IL33: variants seen among roughly 807,000 people sequenced by gnomAD.
IL33 encodes interleukin 33.
IL33 carries 37 observed loss-of-function variants against 27.3 expected under a neutral mutation model. The observed-to-expected ratio is 1.36, with a 90% CI of 1.04 to 1.78. IL33 has a LOEUF of 1.78. IL33 is among the 40% of genes most tolerant of loss of function. The pLI, the probability that IL33 is intolerant of heterozygous loss-of-function variation, is 0.00. For synonymous variants in IL33, 132 were observed against 102.9 expected (o/e 1.28, Z -1.71); for missense variants, 406 against 311.4 (o/e 1.30, Z -2.29).
intron 3 of IL33, 141 bp from the exon 4 acceptor site, chr9:6,250,999 C>T: frequency 9.6e-7 from 1 of 1,041,790 alleles, no homozygotes; most frequent in East Asian, 2.5e-5. Context: ...CAAGAGGTAT[C>T]AATCCCTTTG....
rs530319334 is a variant in IL33 at position 6,227,668 on chromosome 9, T to C, written c.-12+11816T>C. 1.7e-3 allele frequency among the ~76,000 whole-genome samples: 255 copies of C among 152,306 alleles called. 1 individual carries two copies. Among genetic ancestry groups the C allele is most frequent in the Middle Eastern group, 3.4e-3 (1 of 294 alleles). On this transcript the variant is annotated intron_variant, in intron 1 of 7. Coordinates refer to ENST00000682010, the MANE Select transcript of IL33 (RefSeq NM_033439.4). ...TCCAACCATTAAGTGTAATGCTTTC[T>C]CCTTATAATGCTACTAAATCTTCTC... is the stretch of plus-strand genomic sequence containing the variant.
rs967242946 is a variant in IL33 at position 6,238,989 on chromosome 9, G to C, written c.-11-2695G>C. ...GGTATCACATCGATTGATGTCCCTT[G>C]CTTGAATCAAGTATTAAATTGGGGG... On this transcript the variant is annotated intron_variant, in intron 1 of 7. Coordinates refer to ENST00000682010, the MANE Select transcript of IL33 (RefSeq NM_033439.4). Among the ~76,000 whole-genome samples the C allele has an allele frequency of 2.0e-5, 3 of 152,138 alleles. No individual in the cohort carries two copies. In the East Asian group the frequency reaches 5.8e-4, roughly 29 times the overall value.
chr9:6,227,783 T>C (rs542501042), intron 1 of IL33, among the ~76,000 whole-genome samples: 101 of 152,312 alleles, frequency 6.6e-4, no homozygotes, highest in African/African-American at 2.4e-3. Flanking sequence ...ATGGGCCTAA[T>C]GACATATTTT....
intron 3 of IL33, 23 bp downstream of exon 3, chr9:6,250,622 T>C (rs775011867): frequency 2.0e-5 from 32 of 1,605,780 alleles, no homozygotes; most frequent in Non-Finnish European, 2.7e-5. Context: ...GTACATTCTC[T>C]GGCAATAGTG....
chr9:6,219,466 C>G (rs1259771443), intron 1 of IL33, among the ~76,000 whole-genome samples: 1 of 152,002 alleles, frequency 6.6e-6, no homozygotes. Context: ...AGTATACCTA[C>G]GAAGGTATTT....
chr9:6,218,324 T>C (rs563826355), intron 1 of IL33, among the ~76,000 whole-genome samples: 1 of 152,242 alleles, frequency 6.6e-6, no homozygotes, highest in African/African-American at 2.4e-5. Flanking sequence ...AAGCACCTCT[T>C]TCCCTTTCCC....
intron 2 of IL33, among the ~76,000 whole-genome samples, 182 bp from the exon 3 acceptor site, chr9:6,250,292 T>C (rs1243855317): frequency 1.3e-5 from 2 of 152,218 alleles, no homozygotes; most frequent in African/African-American, 4.8e-5. Context: ...ATGTGCACTA[T>C]ATGCTCTATA....
rs1181390521 is a variant in IL33 at position 6,257,824 on chromosome 9, CA to C, written c.*1659del. On this transcript the variant is annotated 3_prime_UTR_variant, in exon 8 of 8. Transcript: ENST00000682010. ...TCATTGTTCTGTCAATAATTGTTAC[CA>C]AAGAGATAAAAATAAAAGCAGAATG... 6.6e-6 allele frequency: 1 copy of C among 151,848 alleles called. No individual in the cohort carries two copies. The highest frequency in any genetic ancestry group is 2.4e-5 in the African/African-American group (1 of 41,342). 9.4% of individuals were successfully genotyped at this position (151,848 alleles called of 1,614,324 possible).
rs1194801557 is a variant in IL33, at chr9:6,229,123, A to T, written c.-11-12561A>T. 2.6e-5 allele frequency among the ~76,000 whole-genome samples: 4 copies of T among 152,148 alleles called. No individual in the cohort carries two copies. The South Asian group carries it at 8.3e-4, about 32-fold the overall frequency. On this transcript the variant is annotated intron_variant, in intron 1 of 7. Coordinates refer to ENST00000682010, the MANE Select transcript of IL33 (RefSeq NM_033439.4). ...AGGAAATAAATGAGCTAAATGAGGA[A>T]CCTGTACAGGAGCACAGGAAAGAGT...
intron 2 of IL33, among the ~76,000 whole-genome samples, chr9:6,246,732 TC>T (rs1210570218): frequency 1.4e-4 from 21 of 152,296 alleles, no homozygotes; most frequent in African/African-American, 5.1e-4. Context: ...TTTCTTTGCC[TC>T]ATGTGCACTC....
rs1228885158 is a variant in IL33 at position 6,251,193 on chromosome 9, G to C, written c.271G>C (p.Val91Leu). Residue 91 changes from valine to leucine, a missense_variant, in exon 4 of 8, where the codon GTG becomes CTG. By Grantham distance (32) the Val-to-Leu change is conservative. Coordinates refer to ENST00000682010, the MANE Select transcript of IL33 (RefSeq NM_033439.4). ...VLAACQQQST[V>L]ECFAFGISGV... ...CGCTGCCTGTCAACAGCAGTCTACTGTGGAGTGCTTTGCCTTTGGTATATC... is the reference window on the plus strand; with the variant it reads ...CGCTGCCTGTCAACAGCAGTCTACTCTGGAGTGCTTTGCCTTTGGTATATC... 7 of 1,614,042 alleles carry C rather than the reference G, an allele frequency of 4.3e-6. No homozygotes were observed. The highest frequency in any genetic ancestry group is 5.9e-6 in the Non-Finnish European group (7 of 1,179,920).
At chr9:6,236,323 AG>A (rs1819205898) in intron 1 of IL33, among the ~76,000 whole-genome samples, 1 of 152,222 alleles carries the variant, frequency 6.6e-6, no homozygotes, top group Non-Finnish European at 1.5e-5. Flanking sequence ...TTTTTTACAT[AG>A]AAAAAAGAAT....
At chr9:6,238,320 A>T (rs1404690672) in intron 1 of IL33, among the ~76,000 whole-genome samples, 1 of 152,228 alleles carries the variant, frequency 6.6e-6, no homozygotes, top group Non-Finnish European at 1.5e-5. Flanking sequence ...TGACCAAAAA[A>T]GGTAGGAGAA....
chr9:6,234,493 G>A (rs1193584185), intron 1 of IL33, among the ~76,000 whole-genome samples: 1 of 152,202 alleles, frequency 6.6e-6, no homozygotes, highest in East Asian at 1.9e-4. Flanking sequence ...GAGGCATTGT[G>A]GCAGACGTGC....
At chr9:6,250,652 C>G in intron 3 of IL33, 53 bp downstream of exon 3, 2 of 1,568,884 alleles carry the variant, frequency 1.3e-6, no homozygotes, top group Non-Finnish European at 1.7e-6. Flanking sequence ...TGTTTGCCTT[C>G]ACTTACCACA....
At chr9:6,236,305 G>A (rs1170130975) in intron 1 of IL33, among the ~76,000 whole-genome samples, 1 of 152,058 alleles carries the variant, frequency 6.6e-6, no homozygotes, top group African/African-American at 2.4e-5. Context: ...TAAAAGAGAT[G>A]TGTATAATTT....
intron 2 of IL33, 25 bp downstream of exon 2, chr9:6,241,810 T>A (rs746043527): frequency 6.8e-7 from 1 of 1,474,806 alleles, no homozygotes. Flanking sequence ...TATCTCTGAA[T>A]GTTTTACGCA....
intron 6 of IL33, among the ~76,000 whole-genome samples, chr9:6,253,892 G>A (rs1816566608): frequency 6.6e-6 from 1 of 152,158 alleles, no homozygotes; most frequent in African/African-American, 2.4e-5. Context: ...TCAACAAGTT[G>A]TCCAGGGAAC....
At chr9:6,243,685 C>T (rs890887637) in intron 2 of IL33, among the ~76,000 whole-genome samples, 2 of 152,124 alleles carry the variant, frequency 1.3e-5, no homozygotes, top group African/African-American at 4.8e-5. Context: ...ATCTGTTTTT[C>T]ATATGGGAGT....
Sources: allele counts gnomAD v4.1 joint callset (sites outside exome capture counted in the v4.1 genomes callset), GRCh38; gene constraint gnomAD v4.1.1; transcripts MANE v1.5; gene names NCBI Gene and HGNC (gene_info 2026-07-23, HGNC 2026-07-21).